HNRNPCL2: variants seen among roughly 807,000 people sequenced by gnomAD.
HNRNPCL2 encodes the protein heterogeneous nuclear ribonucleoprotein C-like 2.
In HNRNPCL2, 17 loss-of-function variants were observed where a neutral mutation model predicts 18.2. That is an observed-to-expected ratio of 0.94 (90% CI 0.64 to 1.40). The LOEUF is 1.40. Ranked by LOEUF, HNRNPCL2 falls within the 40% of genes most tolerant of loss-of-function variation. The pLI is 0.00. For missense variants in HNRNPCL2, 358 were observed against 357.1 expected (o/e 1.00, Z -0.02); for synonymous variants, 133 against 129.9 (o/e 1.02, Z -0.16).
chr1:13,115,658 G>A lies in HNRNPCL2; in HGVS notation c.743C>T (p.Ala248Val), dbSNP rs376039645. 3 of 1,613,490 alleles carry A rather than the reference G, an allele frequency of 1.9e-6. No homozygotes were observed. The highest frequency in any genetic ancestry group is 1.3e-5 in the African/African-American group (1 of 74,500). Residue 248 changes from alanine to valine, a missense_variant, in exon 2 of 2, where the codon GCT (alanine) becomes GTT (valine). Transcript: ENST00000621994. ...ATCATCCAGTGGGTCCCCCTCCTCAGCAGAGTCTTCTGCACCCCCCTCAGA... is the reference window on the plus strand; with the variant it reads ...ATCATCCAGTGGGTCCCCCTCCTCAACAGAGTCTTCTGCACCCCCCTCAGA... ...MESEGGAEDS[A>V]EEGDPLDDDD...
In HNRNPCL2 at chr1:13,116,319, C is replaced by T. The variant is rs1642826754; in HGVS notation, c.82G>A (p.Val28Ile). 1 of 1,610,994 alleles carries T rather than the reference C, an allele frequency of 6.2e-7. No homozygotes were observed. The highest frequency in any genetic ancestry group is 1.4e-5 in the African/African-American group (1 of 73,094). ...ATCGCCTCCACATCAGATTTCTTGA[C>T]AACAAGAGTGTTGAGATTCCCAATG... ...VFIGNLNTLV[V>I]KKSDVEAIFS... The change falls in exon 2 of 2, where the codon GTC (valine) becomes ATC (isoleucine). Residue 28 changes from valine (V) to isoleucine (I), a missense_variant. Transcript: ENST00000621994.
rs536123071 is a variant in HNRNPCL2 at position 13,116,138 on chromosome 1, G to A, written c.263C>T (p.Pro88Leu). The change falls in exon 2 of 2, where the codon CCA (proline) becomes CTA (leucine). Residue 88 changes from proline to leucine, a missense_variant. Transcript: ENST00000621994. ...QVAVINLAAE[P>L]KVNRGNAGVK... is the part of the protein sequence containing the mutation. ...ACCTGCGTTTCCTCGGTTCACTTTT[G>A]GCTCTGCAGCCAGGTTAATAACTGC... 116 of 1,611,136 alleles carry A rather than the reference G, an allele frequency of 7.2e-5. 7 individuals carry two copies. In the South Asian group the frequency reaches 1.2e-3, roughly 17 times the overall value.
Position 13,116,238 on chromosome 1 carries a change from C to G in HNRNPCL2, c.163G>C (p.Val55Leu), listed in dbSNP as rs545465984. 1.6e-4 allele frequency: 259 copies of G among 1,612,426 alleles called. 7 individuals are homozygous for G. In the African/African-American group the frequency reaches 3.3e-3, roughly 20 times the overall value. The change falls in exon 2 of 2, where the codon GTT becomes CTT. Residue 55 changes from valine (V) to leucine (L), a missense_variant. Coordinates refer to ENST00000621994, the MANE Select transcript of HNRNPCL2 (RefSeq NM_001136561.3). ...GCATTTTTCTCCTTATCATATTGAA[C>G]GAAGGCAAAGCCCTTATGAACAGAG... ...GCSVHKGFAF[V>L]QYDKEKNARA...
chr1:13,115,902 G>A lies in HNRNPCL2; in HGVS notation c.499C>T (p.Arg167Trp), dbSNP rs556032937. ...AGCTTTCCAGACTTGGAAGATCCCC[G>A]CTTTCCACTCTTAGAATTGAAGCCA... Reference protein sequence around the residue: ...KSGFNSKSGKRGSSKSGKLKG... With the variant: ...KSGFNSKSGKWGSSKSGKLKG... The change falls in exon 2 of 2, where the codon CGG becomes TGG. Residue 167 changes from arginine (R) to tryptophan (W), a missense_variant. Physicochemically the swap from Arg to Trp is moderately radical, Grantham distance 101 (BLOSUM62 -3). Transcript: ENST00000621994. The A allele has an allele frequency of 1.4e-4, 229 of 1,612,044 alleles. 3 individuals carry two copies. In the South Asian group the frequency reaches 2.4e-3, roughly 17 times the overall value.
At position 13,116,078 on chromosome 1, in the gene HNRNPCL2, G is replaced by A; in HGVS notation, c.323C>T (p.Ser108Phe). 6.2e-6 allele frequency: 10 copies of A among 1,613,434 alleles called. No homozygotes were observed. The highest frequency in any genetic ancestry group is 8.5e-6 in the Non-Finnish European group (10 of 1,179,894). The part of the protein sequence containing the change: ...KRSAAEMYGS[S>F]FDLDYGFQRD... ...TTGAAAGCCATAGTCCAAGTCAAAA[G>A]AGGAGCCGTACATCTCCGCTGCGGA... The change falls in exon 2 of 2, where the codon TCT becomes TTT. Residue 108 changes from serine (S) to phenylalanine (F), a missense_variant. Coordinates refer to ENST00000621994, the MANE Select transcript of HNRNPCL2 (RefSeq NM_001136561.3).
rs755669152 is a variant in HNRNPCL2 at position 13,116,115 on chromosome 1, C to G, written c.286G>C (p.Gly96Arg). Residue 96 changes from glycine (G) to arginine (R), a missense_variant, in exon 2 of 2, where the codon GGT (glycine) becomes CGT (arginine). Transcript: ENST00000621994. ...ATCTCCGCTGCGGATCGTTTCACAC[C>G]TGCGTTTCCTCGGTTCACTTTTGGC... ...AEPKVNRGNAGVKRSAAEMYG... is the reference protein window; with the variant it reads ...AEPKVNRGNARVKRSAAEMYG... 4.2e-5 allele frequency: 67 copies of G among 1,612,600 alleles called. No homozygotes were observed. Among genetic ancestry groups the G allele is most frequent in the Non-Finnish European group, 5.5e-5 (65 of 1,179,742 alleles).
rs750323784 is a variant in HNRNPCL2, at chr1:13,115,698, G to A, written c.703C>T (p.His235Tyr). Residue 235 changes from histidine to tyrosine, a missense_variant, in exon 2 of 2, where the codon CAT becomes TAT. Transcript: ENST00000621994. ...SSSSMKKDET[H>Y]VKMESEGGAE... ...CCCCCCTCAGACTCCATCTTTACAT[G>A]AGTCTCATCTTTCTTCATGGAGCTA... 8.7e-6 allele frequency: 14 copies of A among 1,613,374 alleles called. No homozygotes were observed. In the East Asian group the frequency reaches 1.6e-4, roughly 18 times the overall value.
Position 13,116,587 on chromosome 1 carries a change from A to G in HNRNPCL2, c.-181-6T>C. 3 of 1,206,904 alleles carry G rather than the reference A, an allele frequency of 2.5e-6. No individual in the cohort carries two copies. The South Asian group carries it at 5.5e-5, about 22-fold the overall frequency. The allele number at this position is 1,206,904 out of a possible 1,614,324, so 74.8% of individuals were successfully genotyped here. On this transcript the variant is annotated splice_polypyrimidine_tract_variant and splice_region_variant and intron_variant, in intron 1 of 1. Coordinates refer to ENST00000621994, the MANE Select transcript of HNRNPCL2 (RefSeq NM_001136561.3). ...AATGGCTGCCAACAAGAATTCTGAA[A>G]TGATGTAAAGAAAAGCACAACAACA...
rs28564063 is a variant in HNRNPCL2 at position 13,115,950 on chromosome 1, T to C, written c.451A>G (p.Asn151Asp). The C allele has an allele frequency of 0.12, 188,514 of 1,612,730 alleles. 13,637 individuals carry two copies. The highest frequency in any genetic ancestry group is 0.24 in the South Asian group (21,421 of 90,994). Reference sequence around the variant, plus strand: ...CCACTTTTGCCCCTTCGTGAGGTGTTTCCTGATATGCGCTGGCGTTTCGAG... The same window carrying C: ...CCACTTTTGCCCCTTCGTGAGGTGTCTCCTGATATGCGCTGGCGTTTCGAG... ...VPSKRQRISG[N>D]TSRRGKSGFN... Residue 151 changes from asparagine (N) to aspartate (D), a missense_variant, in exon 2 of 2, where the codon AAC (asparagine) becomes GAC (aspartate). Transcript: ENST00000621994.
rs76804815 is a variant in HNRNPCL2, at chr1:13,116,625, C to G, written c.-181-44G>C. On this transcript the variant is annotated intron_variant, in intron 1 of 1. Coordinates refer to ENST00000621994, the MANE Select transcript of HNRNPCL2 (RefSeq NM_001136561.3). ...AAGCACAACAACATTTTTGAAATCA[C>G]GACAAAATTGCATTTAGAAAAAAAA... 2.8e-4 allele frequency: 260 copies of G among 923,984 alleles called. 4 individuals are homozygous for G. The African/African-American group carries it at 4.1e-3, about 15-fold the overall frequency. The allele number at this position is 923,984 out of a possible 1,614,324, so 57.2% of individuals were successfully genotyped here.
At position 13,115,564 on chromosome 1, in the gene HNRNPCL2, T is replaced by C. The variant is rs769175234; in HGVS notation, c.837A>G (p.Glu279=). 3.7e-6 allele frequency: 6 copies of C among 1,612,914 alleles called. No individual in the cohort carries two copies. Among genetic ancestry groups the C allele is most frequent in the Non-Finnish European group, 5.1e-6 (6 of 1,179,678 alleles). ...TGGTGCTGTCTCTGTTATCCTCTCCTTCCTCAGCATCTTTTTCATTATTCT... is the reference window on the plus strand; with the variant it reads ...TGGTGCTGTCTCTGTTATCCTCTCCCTCCTCAGCATCTTTTTCATTATTCT... ...LIKNNEKDAE[E]GEDNRDSTNG... The change falls in exon 2 of 2, where the codon GAA becomes GAG. Residue 279 remains glutamate (E), a synonymous_variant. Coordinates refer to ENST00000621994, the MANE Select transcript of HNRNPCL2 (RefSeq NM_001136561.3).
chr1:13,115,743 A>G lies in HNRNPCL2; in HGVS notation c.658T>C (p.Ser220Pro). Reference protein sequence around the residue: ...KQEVEVKNAKSEEEQSSSSMK... With the variant: ...KQEVEVKNAKPEEEQSSSSMK... ...GAGCTACTGCTCTGCTCCTCTTCTGACTTAGCATTTTTCACCTCTACCTCT... is the reference window on the plus strand; with the variant it reads ...GAGCTACTGCTCTGCTCCTCTTCTGGCTTAGCATTTTTCACCTCTACCTCT... The change falls in exon 2 of 2, where the codon TCA (serine) becomes CCA (proline). Residue 220 changes from serine (S) to proline (P), a missense_variant. Transcript: ENST00000621994. 1 of 1,613,122 alleles carries G rather than the reference A, an allele frequency of 6.2e-7. No individual in the cohort carries two copies. The highest frequency in any genetic ancestry group is 8.5e-7 in the Non-Finnish European group (1 of 1,179,904).
In HNRNPCL2 at chr1:13,115,878, G is replaced by A. The variant is rs759843966; in HGVS notation, c.523C>T (p.Leu175=). The A allele has an allele frequency of 2.3e-4, 368 of 1,612,368 alleles. 8 individuals carry two copies. In the African/African-American group the frequency reaches 3.1e-3, roughly 14 times the overall value. ...GKRGSSKSGK[L]KGDDLQAIKQ... ...ATGGCCTGAAGGTCATCTCCTTTCA[G>A]CTTTCCAGACTTGGAAGATCCCCGC... Residue 175 remains leucine (L), a synonymous_variant, in exon 2 of 2, where the codon CTG becomes TTG. Transcript: ENST00000621994.
At position 13,116,115 on chromosome 1, in the gene HNRNPCL2, C is replaced by T; in HGVS notation, c.286G>A (p.Gly96Ser). The T allele has an allele frequency of 1.2e-6, 2 of 1,612,710 alleles. No individual in the cohort carries two copies. Among genetic ancestry groups the T allele is most frequent in the Non-Finnish European group, 1.7e-6 (2 of 1,179,734 alleles). Residue 96 changes from glycine (G) to serine (S), a missense_variant, in exon 2 of 2, where the codon GGT (glycine) becomes AGT (serine). Transcript: ENST00000621994. The part of the protein sequence containing the change: ...AEPKVNRGNA[G>S]VKRSAAEMYG... The stretch of plus-strand genomic sequence containing the variant: ...ATCTCCGCTGCGGATCGTTTCACAC[C>T]TGCGTTTCCTCGGTTCACTTTTGGC...
At position 13,115,612 on chromosome 1, in the gene HNRNPCL2, C is replaced by T. The variant is rs1439672807; in HGVS notation, c.789G>A (p.Gly263=). The T allele has an allele frequency of 9.9e-6, 16 of 1,613,396 alleles. No individual in the cohort carries two copies. Among genetic ancestry groups the T allele is most frequent in the African/African-American group, 1.3e-5 (1 of 74,474 alleles). Residue 263 remains glycine (G), a synonymous_variant, in exon 2 of 2, where the codon GGG becomes GGA. Coordinates refer to ENST00000621994, the MANE Select transcript of HNRNPCL2 (RefSeq NM_001136561.3). ...TCTTGATCAAATGAAGCTGGTTGTC[C>T]CCCTGATCTTCATTATCATCATCAT... is the stretch of plus-strand genomic sequence containing the variant. ...PLDDDDNEDQ[G]DNQLHLIKNN...
chr1:13,116,659 T>G (rs1227336107), intron 1 of HNRNPCL2, 78 bp from the exon 2 acceptor site: 13 of 743,288 alleles, frequency 1.7e-5, no homozygotes, highest in Non-Finnish European at 2.5e-5. Flanking sequence ...AAATCAAAGC[T>G]TCAAAGTGTT....
rs1163940599 is a variant in HNRNPCL2, at chr1:13,116,228, T to G, written c.173A>C (p.Asp58Ala). Residue 58 changes from aspartate to alanine, a missense_variant, in exon 2 of 2, where the codon GAT becomes GCT. Asp to Ala is a moderately radical substitution (Grantham distance 126). Coordinates refer to ENST00000621994, the MANE Select transcript of HNRNPCL2 (RefSeq NM_001136561.3). ...VHKGFAFVQY[D>A]KEKNARAAVA... ...AGCAGCCCGGGCATTTTTCTCCTTA[T>G]CATATTGAACGAAGGCAAAGCCCTT... 1 of 1,612,252 alleles carries G rather than the reference T, an allele frequency of 6.2e-7. No individual in the cohort carries two copies. Among genetic ancestry groups the G allele is most frequent in the Non-Finnish European group, 8.5e-7 (1 of 1,179,692 alleles).
In HNRNPCL2 at chr1:13,115,819, C is replaced by A; in HGVS notation, c.582G>T (p.Val194=). The A allele has an allele frequency of 1.9e-6, 3 of 1,613,058 alleles. No homozygotes were observed. Among genetic ancestry groups the A allele is most frequent in the Non-Finnish European group, 2.5e-6 (3 of 1,179,770 alleles). ...TTTCCAGGTTTTCCAGGAGAGAATC[C>A]ACTTTCTGTTTTATCTGGGTCAACT... The part of the protein sequence containing the change: ...KQELTQIKQK[V]DSLLENLEKI... The change falls in exon 2 of 2, where the codon GTG becomes GTT. Residue 194 remains valine, a synonymous_variant. Transcript: ENST00000621994.
chr1:13,115,894 A>G lies in HNRNPCL2; in HGVS notation c.507T>C (p.Ser169=), dbSNP rs573528700. ...GFNSKSGKRG[S]SKSGKLKGDD... is the part of the protein sequence containing the mutation. ...CTCCTTTCAGCTTTCCAGACTTGGA[A>G]GATCCCCGCTTTCCACTCTTAGAAT... Residue 169 remains serine, a synonymous_variant, in exon 2 of 2, where the codon TCT becomes TCC. Transcript: ENST00000621994. The G allele has an allele frequency of 1.7e-4, 270 of 1,612,772 alleles. 7 individuals carry two copies. The African/African-American group carries it at 3.3e-3, about 20-fold the overall frequency.
Sources: gnomAD v4.1 joint callset for allele counts on GRCh38, gnomAD v4.1.1 for gene constraint, MANE v1.5 for transcripts, NCBI Gene and HGNC (gene_info 2026-07-23, HGNC 2026-07-21) for gene names.